The following PDZD2 variants were observed in gnomAD, a reference collection of about 807,000 sequenced individuals.
PDZD2 encodes PDZ domain containing 2.
Under a neutral mutation model 220.7 loss-of-function variants are expected in PDZD2, and 90 were observed. The ratio of observed to expected loss-of-function variants is 0.41; its 90% CI spans 0.34 to 0.49. The LOEUF (loss-of-function observed/expected upper bound fraction) is 0.49. Ranked by LOEUF, PDZD2 falls within the 20% of genes least tolerant of loss-of-function variation. The pLI is 0.28. For missense variants in PDZD2, 3,174 were observed against 3,608.5 expected (o/e 0.88, Z 3.08); for synonymous variants, 1,375 against 1,450.5 (o/e 0.95, Z 1.18).
intron 2 of PDZD2, among the ~76,000 whole-genome samples, chr5:31,935,321 A>G (rs7734568): frequency 0.017 from 2,664 of 152,250 alleles, 76 homozygotes; most frequent in African/African-American, 0.062. Flanking sequence ...CAGCTGTAAA[A>G]CAAGGCAAAT....
chr5:32,107,714 G>GT (rs1744924797), intron 24 of PDZD2, among the ~76,000 whole-genome samples: 2 of 152,184 alleles, frequency 1.3e-5, no homozygotes, highest in Admixed American at 1.3e-4. Context: ...TACATAGAGA[G>GT]TATCTTCCCC....
chr5:31,639,973 T>C lies in PDZD2; in HGVS notation c.-361+536T>C, dbSNP rs1173655331. On this transcript the variant is annotated intron_variant, in intron 1 of 24. Transcript: ENST00000438447. The surrounding 1 kb of genome is among the most constrained non-coding windows in gnomAD (Gnocchi z 4.1). ...GGGCGCGCAAAGATCAAGGGCATCTTAGGGCCGGTTATTGGCGTCTGCCGG... is the reference window on the plus strand; with the variant it reads ...GGGCGCGCAAAGATCAAGGGCATCTCAGGGCCGGTTATTGGCGTCTGCCGG... Among the ~76,000 whole-genome samples, 1 of 152,028 alleles carries C rather than the reference T, an allele frequency of 6.6e-6. No individual in the cohort carries two copies. Among genetic ancestry groups the C allele is most frequent in the Non-Finnish European group, 1.5e-5 (1 of 67,990 alleles).
intron 19 of PDZD2, among the ~76,000 whole-genome samples, chr5:32,079,874 A>G (rs1741743586): frequency 6.6e-6 from 1 of 152,112 alleles, no homozygotes; most frequent in African/African-American, 2.4e-5. Flanking sequence ...GGCTACTCAC[A>G]GAAAAAATAC....
intron 7 of PDZD2, 134 bp from the exon 8 acceptor site, chr5:32,048,405 C>T (rs1738185775): frequency 2.9e-6 from 2 of 687,150 alleles, no homozygotes; most frequent in African/African-American, 3.6e-5. Flanking sequence ...AGGCTCTGTG[C>T]TTTGAGTGTA....
At chr5:32,095,763 T>TG (rs973288433) in intron 21 of PDZD2, among the ~76,000 whole-genome samples, 5 of 151,046 alleles carry the variant, frequency 3.3e-5, no homozygotes, top group Non-Finnish European at 5.9e-5. Context: ...TTTCTTGAGA[T>TG]GGAGTCTCGC....
Position 32,003,357 on chromosome 5 carries a change from CCACACCACACA to C in PDZD2, c.1254+3104_1254+3114del, listed in dbSNP as rs1414176997. 5.9e-3 allele frequency among the ~76,000 whole-genome samples: 387 copies of C among 65,512 alleles called. 9 individuals carry two copies. The highest frequency in any genetic ancestry group is 0.021 in the African/African-American group (375 of 17,674). 43.0% of individuals were successfully genotyped at this position (65,512 alleles called of 152,430 possible). A position where few individuals can be genotyped will look rare whatever the true frequency, so the allele number is the denominator to read the frequency against. ...CACCACACCACACACACACCACACA[CCACACCACACA>C]CACACCACACACACACCCACACACA... On this transcript the variant is annotated intron_variant, in intron 5 of 24. Coordinates refer to ENST00000438447, the MANE Select transcript of PDZD2 (RefSeq NM_178140.4).
intron 4 of PDZD2, 24 bp downstream of exon 4, chr5:31,995,742 C>T (rs1221202445): frequency 5.6e-6 from 9 of 1,605,584 alleles, no homozygotes; most frequent in Non-Finnish European, 5.1e-6. Flanking sequence ...TCTCCCCTCT[C>T]CCCCATCCCT....
At chr5:31,657,974 CT>C (rs1182537774) in intron 1 of PDZD2, among the ~76,000 whole-genome samples, 5 of 152,186 alleles carry the variant, frequency 3.3e-5, no homozygotes, top group Admixed American at 2.0e-4. Flanking sequence ...ACCGTCCTAT[CT>C]TTTTTCCTTT....
Position 31,737,354 on chromosome 5 carries a change from A to G in PDZD2, c.-360-61535A>G, listed in dbSNP as rs555521763. ...CGCCCAGCTAATTTGTTGTATTTTT[A>G]GTAGAGATGGGGTTTCACCGTGTTA... On this transcript the variant is annotated intron_variant, in intron 1 of 24. Coordinates refer to ENST00000438447, the MANE Select transcript of PDZD2 (RefSeq NM_178140.4). Among the ~76,000 whole-genome samples the G allele has an allele frequency of 2.7e-5, 4 of 147,952 alleles. No individual in the cohort carries two copies. The East Asian group carries it at 6.0e-4, about 22-fold the overall frequency.
At chr5:31,875,578 C>G (rs145927169) in intron 2 of PDZD2, among the ~76,000 whole-genome samples, 4,875 of 140,652 alleles carry the variant, frequency 0.035, 129 homozygotes, top group Non-Finnish European at 0.045. Context: ...AGAGTGAGAC[C>G]CTGTTCAAAA....
In PDZD2 at chr5:31,963,105, C is replaced by A. The variant is rs1197589969; in HGVS notation, c.477-20050C>A. 2.6e-5 allele frequency among the ~76,000 whole-genome samples: 4 copies of A among 152,174 alleles called. No homozygotes were observed. In the East Asian group the frequency reaches 7.7e-4, roughly 29 times the overall value. On this transcript the variant is annotated intron_variant, in intron 2 of 24. Transcript: ENST00000438447. Reference sequence around the variant, plus strand: ...GCTCAAAAGCCCATACCTGCTCATACCTCTGAAGTCAGGCCAGACAAGAGC... The same window carrying A: ...GCTCAAAAGCCCATACCTGCTCATAACTCTGAAGTCAGGCCAGACAAGAGC...
intron 2 of PDZD2, among the ~76,000 whole-genome samples, chr5:31,808,347 G>T (rs6874777): frequency 1.3e-5 from 2 of 152,254 alleles, no homozygotes; most frequent in South Asian, 4.1e-4. Context: ...ACGAAAACAA[G>T]TTTCAGCATT....
intron 24 of PDZD2, among the ~76,000 whole-genome samples, chr5:32,107,018 TA>T (rs1744830510): frequency 1.3e-5 from 2 of 152,204 alleles, no homozygotes; most frequent in Non-Finnish European, 2.9e-5. Context: ...CGACTTTCAG[TA>T]ATTTAGGATG....
rs1290430803 is a variant in PDZD2, at chr5:32,109,931, A to G, written c.*1796A>G. 2 of 152,654 alleles carry G rather than the reference A, an allele frequency of 1.3e-5. No individual in the cohort carries two copies. Among genetic ancestry groups the G allele is most frequent in the African/African-American group, 4.8e-5 (2 of 41,452 alleles). The allele number at this position is 152,654 out of a possible 1,614,324, so 9.5% of individuals were successfully genotyped here. ...TCATCAACTGGCAATACAAAGGAAA[A>G]TATGGTACAGGAGTTAGTTAGAAAG... On this transcript the variant is annotated 3_prime_UTR_variant, in exon 25 of 25. Coordinates refer to ENST00000438447, the MANE Select transcript of PDZD2 (RefSeq NM_178140.4).
At chr5:32,007,992 A>C (rs2112065105) in intron 5 of PDZD2, among the ~76,000 whole-genome samples, 1 of 152,286 alleles carries the variant, frequency 6.6e-6, no homozygotes, top group Non-Finnish European at 1.5e-5. Context: ...TCAGAATCTT[A>C]TCCAAATGGA....
chr5:31,752,105 T>C (rs1432401155), intron 1 of PDZD2, among the ~76,000 whole-genome samples: 1 of 121,196 alleles, frequency 8.3e-6, no homozygotes, highest in African/African-American at 3.0e-5. Flanking sequence ...GACAAGGTCT[T>C]GCTTTATCAA....
chr5:31,675,642 A>G (rs1020712983), intron 1 of PDZD2, among the ~76,000 whole-genome samples: 1 of 152,148 alleles, frequency 6.6e-6, no homozygotes, highest in African/African-American at 2.4e-5. Context: ...ACGTGGCCCA[A>G]TCGATGTCTT....
chr5:32,066,946 G>A (rs1283964547), intron 14 of PDZD2, among the ~76,000 whole-genome samples: 1 of 152,238 alleles, frequency 6.6e-6, no homozygotes, highest in African/African-American at 2.4e-5. Context: ...AAATGCCAGT[G>A]TTTGTTTGAC....
Position 32,098,592 on chromosome 5 carries a change from G to T in PDZD2, c.8176G>T (p.Gly2726Cys), listed in dbSNP as rs200029514. The T allele has an allele frequency of 6.2e-7, 1 of 1,614,122 alleles. No individual in the cohort carries two copies. Among genetic ancestry groups the T allele is most frequent in the African/African-American group, 1.3e-5 (1 of 75,044 alleles). The change falls in exon 23 of 25, where the codon GGT (glycine) becomes TGT (cysteine). Residue 2726 changes from glycine to cysteine, a missense_variant. Transcript: ENST00000438447. The surrounding 1 kb of genome is among the most constrained non-coding windows in gnomAD (Gnocchi z 4.1). The part of the protein sequence containing the change: ...RQEPPTANGK[G>C]LLSRKTIPLE... ...GGAGCCTCCCACAGCCAATGGGAAGGGTTTGCTGTCCAGAAAGACCATCCC... is the reference window on the plus strand; with the variant it reads ...GGAGCCTCCCACAGCCAATGGGAAGTGTTTGCTGTCCAGAAAGACCATCCC...
Sources: allele counts gnomAD v4.1 joint callset (sites outside exome capture counted in the v4.1 genomes callset), GRCh38; gene constraint gnomAD v4.1.1; non-coding constraint Gnocchi (gnomAD v3.1); transcripts MANE v1.5; gene names NCBI Gene and HGNC (gene_info 2026-07-23, HGNC 2026-07-21).